Variants in CCDC138 observed in about 807,000 individuals in gnomAD.
The protein encoded by CCDC138 is coiled-coil domain-containing protein 138.
CCDC138 carries 66 observed loss-of-function variants against 82.3 expected under a neutral mutation model. The observed-to-expected ratio is 0.80, with a 90% CI of 0.66 to 0.98. CCDC138 has a LOEUF of 0.98. Among genes scored for constraint, CCDC138 ranks in the 50% least tolerant of loss-of-function variants. CCDC138 has a pLI of 0.00. For missense variants in CCDC138, 816 were observed against 758.9 expected (o/e 1.08, Z -0.88); for synonymous variants, 297 against 265.4 (o/e 1.12, Z -1.16).
rs991750290 is a variant in CCDC138, at chr2:108,883,802, C to G, written c.*44+1011C>G. ...GTCTGCCCCTCTTGGTTTCCCTAAA[C>G]CTCACTCCTCTCTTTGTAAACAGCC... On this transcript the variant is annotated intron_variant, in intron 2 of 2. Coordinates refer to the CCDC138 transcript ENST00000608781. 92 of 152,372 alleles carry G rather than the reference C, an allele frequency of 6.0e-4. 1 individual carries two copies. The highest frequency in any genetic ancestry group is 2.1e-3 in the African/African-American group (89 of 41,586). The allele number at this position is 152,372 out of a possible 1,614,324, so 9.4% of individuals were successfully genotyped here. A position where few individuals can be genotyped will look rare whatever the true frequency, so the allele number is the denominator to read the frequency against.
At chr2:108,829,704 C>A (rs1265525455) in intron 10 of CCDC138, among the ~76,000 whole-genome samples, 2 of 152,188 alleles carry the variant, frequency 1.3e-5, no homozygotes, top group Non-Finnish European at 2.9e-5. Context: ...CAAGATCGTG[C>A]CACCACACTA....
At chr2:108,810,851 C>T (rs184222600) in intron 7 of CCDC138, among the ~76,000 whole-genome samples, 1 of 152,144 alleles carries the variant, frequency 6.6e-6, no homozygotes, top group African/African-American at 2.4e-5. Flanking sequence ...TACTACAATT[C>T]AATCTTGTTA....
chr2:108,861,673 G>T (rs963945728), intron 13 of CCDC138, among the ~76,000 whole-genome samples: 2 of 151,858 alleles, frequency 1.3e-5, no homozygotes, highest in Non-Finnish European at 1.5e-5. Context: ...TAGAGACAGG[G>T]TTTCACCATA....
intron 6 of CCDC138, among the ~76,000 whole-genome samples, chr2:108,799,564 A>G (rs1681552684): frequency 6.6e-6 from 1 of 151,996 alleles, no homozygotes. Flanking sequence ...ATTTTTCTTT[A>G]TCTTTGGTTT....
intron 11 of CCDC138, among the ~76,000 whole-genome samples, chr2:108,843,455 G>A (rs2150530184): frequency 6.6e-6 from 1 of 152,218 alleles, no homozygotes; most frequent in East Asian, 1.9e-4. Context: ...ACCGCACCTG[G>A]CCTAGAGTAG....
At chr2:108,826,577 A>T (rs1440456913) in intron 10 of CCDC138, among the ~76,000 whole-genome samples, 1 of 152,202 alleles carries the variant, frequency 6.6e-6, no homozygotes, top group Admixed American at 6.5e-5. Flanking sequence ...AAGAGGGTCC[A>T]TATCTGGATT....
intron 10 of CCDC138, among the ~76,000 whole-genome samples, chr2:108,818,354 A>G (rs952532404): frequency 4.6e-5 from 7 of 152,280 alleles, no homozygotes; most frequent in African/African-American, 1.7e-4. Context: ...TTTTTATATT[A>G]GTCTAATAAC....
chr2:108,831,324 C>T (rs1189718695), intron 10 of CCDC138, among the ~76,000 whole-genome samples: 1 of 152,168 alleles, frequency 6.6e-6, no homozygotes, highest in Non-Finnish European at 1.5e-5. Context: ...TCACAGTTCC[C>T]TACTACTGCC....
intron 14 of CCDC138, among the ~76,000 whole-genome samples, chr2:108,874,615 G>A (rs574565407): frequency 5.6e-4 from 86 of 152,264 alleles, no homozygotes; most frequent in Admixed American, 2.2e-3. Flanking sequence ...ATATGCTTGA[G>A]TAGTAAATGC....
At chr2:108,863,118 A>G (rs1044326436) in intron 13 of CCDC138, among the ~76,000 whole-genome samples, 5 of 152,150 alleles carry the variant, frequency 3.3e-5, no homozygotes, top group Admixed American at 1.3e-4. Flanking sequence ...ACTATTTTTC[A>G]TTGACAAGTT....
Position 108,856,921 on chromosome 2 carries a change from A to G in CCDC138, c.1644A>G (p.Gly548=). ...GTCATCTAAGAATATCCAGTAAAGG[A>G]CTCCTGTCTAATGTTATTGATAGTT... ...ILSHLRISSK[G]LLSNVIDSLL... is the part of the protein sequence containing the mutation. The change falls in exon 13 of 15, where the codon GGA becomes GGG. Residue 548 remains glycine, a synonymous_variant. Transcript: ENST00000295124. The G allele has an allele frequency of 6.2e-7, 1 of 1,612,348 alleles. No homozygotes were observed. Among genetic ancestry groups the G allele is most frequent in the Non-Finnish European group, 8.5e-7 (1 of 1,179,430 alleles).
chr2:108,846,921 G>C lies in CCDC138; in HGVS notation c.1507G>C (p.Val503Leu). The stretch of plus-strand genomic sequence containing the variant: ...ATCAACCTTAATTGTTCTCAAAACA[G>C]TCACTCAAGGTAAGCTTTCAATTGT... ...FLSTLIVLKT[V>L]TQADYLAQAF... The change falls in exon 12 of 15, where the codon GTC (valine) becomes CTC (leucine). Residue 503 changes from valine to leucine, a missense_variant. Transcript: ENST00000295124. The C allele has an allele frequency of 6.3e-7, 1 of 1,581,492 alleles. No individual in the cohort carries two copies. Among genetic ancestry groups the C allele is most frequent in the Non-Finnish European group, 8.7e-7 (1 of 1,152,768 alleles).
Position 108,786,833 on chromosome 2 carries a change from G to T in CCDC138, c.11G>T (p.Arg4Met), listed in dbSNP as rs774873611. The T allele has an allele frequency of 1.6e-5, 25 of 1,591,342 alleles. No individual in the cohort carries two copies. In the South Asian group the frequency reaches 2.9e-4, roughly 18 times the overall value. ...CGGTTGCTGTGTGCTATGGAGCCGA[G>T]GGTCGTCAAGCCACCGGGGCAGGAT... MEP[R>M]VVKPPGQDLV... The change falls in exon 1 of 15, where the codon AGG becomes ATG. Residue 4 changes from arginine (R) to methionine (M), a missense_variant. Coordinates refer to ENST00000295124, the MANE Select transcript of CCDC138 (RefSeq NM_144978.3).
intron 10 of CCDC138, among the ~76,000 whole-genome samples, chr2:108,817,018 C>T (rs1684913885): frequency 6.6e-6 from 1 of 152,108 alleles, no homozygotes; most frequent in Non-Finnish European, 1.5e-5. Flanking sequence ...TTAAAGGCCC[C>T]ACTTATCAAT....
rs927216142 is a variant in CCDC138 at position 108,862,631 on chromosome 2, A to C, written c.1693+5661A>C. ...GATTTAGCCATTCCACAATGTTTAC[A>C]TACTACATGATATTGAAATATATTG... is the stretch of plus-strand genomic sequence containing the variant. On this transcript the variant is annotated intron_variant, in intron 13 of 14. Transcript: ENST00000295124. Among the ~76,000 whole-genome samples the C allele has an allele frequency of 1.3e-4, 20 of 152,384 alleles. 1 individual carries two copies. In the East Asian group the frequency reaches 3.9e-3, roughly 29 times the overall value.
chr2:108,856,719 GCTTTTTTAC>G, intron 12 of CCDC138, 66 bp from the exon 13 acceptor site: 1 of 1,369,908 alleles, frequency 7.3e-7, no homozygotes, highest in Admixed American at 2.3e-5. Context: ...TAACGACATT[GCTTTTTTAC>G]CTTCTGTTTC....
In CCDC138 at chr2:108,795,057, A is replaced by AC. The variant is rs1553510398; in HGVS notation, c.576+336_576+337insC. Among the ~76,000 whole-genome samples, 12 of 151,470 alleles carry AC rather than the reference A, an allele frequency of 7.9e-5. No homozygotes were observed. In the South Asian group the frequency reaches 1.9e-3, roughly 24 times the overall value. On this transcript the variant is annotated intron_variant, in intron 5 of 14. Transcript: ENST00000295124. ...TCTAGCTTTATTGTTTTAAGTACTT[A>AC]TATATAAAAAGTCTTCTTGTCAACT...
chr2:108,877,402 G>A (rs938538881), downstream of CCDC138, among the ~76,000 whole-genome samples: 2 of 152,070 alleles, frequency 1.3e-5, no homozygotes, highest in South Asian at 2.1e-4. Context: ...GGAGGCAGAG[G>A]TTCCAGTGAG....
At chr2:108,874,559 C>T (rs1695743989) in intron 14 of CCDC138, among the ~76,000 whole-genome samples, 3 of 152,302 alleles carry the variant, frequency 2.0e-5, no homozygotes, top group African/African-American at 7.2e-5. Context: ...CTCATCCCCT[C>T]ATCCATGATT....
Sources: gnomAD v4.1 joint callset for allele counts (sites outside exome capture counted in the v4.1 genomes callset) on GRCh38, gnomAD v4.1.1 for gene constraint, MANE v1.5 for transcripts, NCBI Gene and HGNC (gene_info 2026-07-23, HGNC 2026-07-21) for gene names.